The following TCTN1 variants were observed in gnomAD, a reference collection of about 807,000 sequenced individuals.
The protein encoded by TCTN1 is tectonic family member 1.
TCTN1 carries 58 observed loss-of-function variants against 65.8 expected under a neutral mutation model. That is an observed-to-expected ratio of 0.88 (90% CI 0.71 to 1.10). The LOEUF (loss-of-function observed/expected upper bound fraction) is 1.10, where lower values mean the gene tolerates loss of function less well. Ranked by LOEUF, TCTN1 falls within the 50% of genes least tolerant of loss-of-function variation. TCTN1 has a pLI of 0.00. For missense variants in TCTN1, 645 were observed against 719.4 expected (o/e 0.90, Z 1.18); for synonymous variants, 273 against 289.1 (o/e 0.94, Z 0.57).
Position 110,614,176 on chromosome 12 carries a change from C to G in TCTN1, c.-7C>G. On this transcript the variant is annotated 5_prime_UTR_variant, in exon 1 of 15. Transcript: ENST00000397659. ...ATGTCGCGGGCCTCGCTGGGACTCCCTGGGAGATGAGGCCGCGAGGTCTCC... is the reference window on the plus strand; with the variant it reads ...ATGTCGCGGGCCTCGCTGGGACTCCGTGGGAGATGAGGCCGCGAGGTCTCC... The G allele has an allele frequency of 6.4e-7, 1 of 1,550,826 alleles. No homozygotes were observed. The highest frequency in any genetic ancestry group is 1.2e-5 in the South Asian group (1 of 84,234).
chr12:110,619,959 A>G lies in TCTN1; in HGVS notation c.341+3A>G. On this transcript the variant is annotated splice_donor_region_variant and intron_variant, in intron 2 of 14. Transcript: ENST00000397659. ...GCCTGCTCAGTTCCAGTTGTCACGT[A>G]AGTTTACGTATGACACATGCAATTT... 1.2e-6 allele frequency: 2 copies of G among 1,614,186 alleles called. No individual in the cohort carries two copies. The highest frequency in any genetic ancestry group is 1.7e-6 in the Non-Finnish European group (2 of 1,180,046).
intron 1 of TCTN1, chr12:110,616,178 A>G (rs1298588700): frequency 1.5e-5 from 5 of 338,048 alleles, no homozygotes. Context: ...CTATGCTTGA[A>G]ACATCATTAT....
chr12:110,647,666 A>G (rs749151787), intron 13 of TCTN1, 83 bp from the exon 14 acceptor site: 1 of 1,595,122 alleles, frequency 6.3e-7, no homozygotes, highest in South Asian at 1.1e-5. Flanking sequence ...TAGTTGGGTG[A>G]GGAAGAGAAT....
In TCTN1 at chr12:110,614,354, A is replaced by G. The variant is rs755551887; in HGVS notation, c.172A>G (p.Arg58Gly). Residue 58 changes from arginine (R) to glycine (G), a missense_variant, in exon 1 of 15, where the codon AGG becomes GGG. Arg to Gly is a moderately radical substitution (Grantham distance 125). Coordinates refer to ENST00000397659, the MANE Select transcript of TCTN1 (RefSeq NM_001082538.3). The part of the protein sequence containing the change: ...FPSTRPPGTP[R>G]APGPSSGPRP... ...GTCGACCAGGCCCCCCGGGACTCCC[A>G]GGGCTCCAGGGCCCTCCTCCGGCCC... 4.4e-6 allele frequency: 7 copies of G among 1,606,604 alleles called. 1 individual carries two copies. In the African/African-American group the frequency reaches 5.3e-5, roughly 12 times the overall value.
chr12:110,621,241 C>G (rs752919633), intron 2 of TCTN1, among the ~76,000 whole-genome samples: 2 of 152,046 alleles, frequency 1.3e-5, no homozygotes, highest in Non-Finnish European at 2.9e-5. Context: ...ATAGGTGAAC[C>G]CTTTTAAGAA....
In TCTN1 at chr12:110,644,131, A is replaced by G. The variant is rs1241402975; in HGVS notation, c.1332-836A>G. 6.6e-6 allele frequency: 1 copy of G among 152,230 alleles called. No individual in the cohort carries two copies. The highest frequency in any genetic ancestry group is 1.5e-5 in the Non-Finnish European group (1 of 68,064). The allele number at this position is 152,230 out of a possible 1,614,324, so 9.4% of individuals were successfully genotyped here. Reference sequence around the variant, plus strand: ...AGTTAAAACAATGGTTCCTTCCTGTATTACTCATCAGAGCCTTTAATAGGC... The same window carrying G: ...AGTTAAAACAATGGTTCCTTCCTGTGTTACTCATCAGAGCCTTTAATAGGC... On this transcript the variant is annotated intron_variant, in intron 11 of 14. Transcript: ENST00000397659. The surrounding 1 kb of genome is among the most constrained non-coding windows in gnomAD (Gnocchi z 4.6).
At chr12:110,641,772 T>TG (rs2066970931) in intron 10 of TCTN1, 145 bp downstream of exon 10, 2 of 816,080 alleles carry the variant, frequency 2.5e-6, no homozygotes, top group South Asian at 3.1e-5. Context: ...GCGGCTCTGG[T>TG]GGGCGGCCAG....
At chr12:110,627,623 G>GT (rs1312327050) in intron 3 of TCTN1, among the ~76,000 whole-genome samples, 2 of 152,044 alleles carry the variant, frequency 1.3e-5, no homozygotes, top group African/African-American at 4.8e-5. Flanking sequence ...ATATACATGT[G>GT]TTTTTTTAAC....
rs759532103 is a variant in TCTN1, at chr12:110,615,268, C to CA, written c.220+877dup. ...ACTGGGCGACAGAGCAAGACTGTCT[C>CA]AAAAAAAAAAATTGACATGGATGAC... is the stretch of plus-strand genomic sequence containing the variant. On this transcript the variant is annotated intron_variant, in intron 1 of 14. Coordinates refer to ENST00000397659, the MANE Select transcript of TCTN1 (RefSeq NM_001082538.3). Among the ~76,000 whole-genome samples, 75 of 145,774 alleles carry CA rather than the reference C, an allele frequency of 5.1e-4. 1 individual carries two copies. The highest frequency in any genetic ancestry group is 7.9e-4 in the East Asian group (4 of 5,070).
Position 110,636,405 on chromosome 12 carries a change from C to T in TCTN1, c.823-76C>T, listed in dbSNP as rs776142265. The T allele has an allele frequency of 6.5e-5, 66 of 1,017,394 alleles. 2 individuals carry two copies. The highest frequency in any genetic ancestry group is 5.9e-4 in the South Asian group (46 of 77,742). The allele number at this position is 1,017,394 out of a possible 1,614,324, so 63.0% of individuals were successfully genotyped here. ...AATAAGATGAATATACTCTTCAACT[C>T]GAGATCTGAAAAAGCAATGAAAATA... On this transcript the variant is annotated intron_variant, in intron 6 of 14. Transcript: ENST00000397659.
In TCTN1 at chr12:110,627,833, G is replaced by A. The variant is rs899612316; in HGVS notation, c.473-934G>A. ...TGTAAAATGTTATCAGGATATCAAA[G>A]ATCAGAGACACGTTTATGCTTTTAT... On this transcript the variant is annotated intron_variant, in intron 3 of 14. Transcript: ENST00000397659. 3 of 600,202 alleles carry A rather than the reference G, an allele frequency of 5.0e-6. No individual in the cohort carries two copies. In the African/African-American group the frequency reaches 5.6e-5, roughly 11 times the overall value. The allele number at this position is 600,202 out of a possible 1,614,324, so 37.2% of individuals were successfully genotyped here.
chr12:110,635,059 C>G (rs2136074147), intron 6 of TCTN1, among the ~76,000 whole-genome samples: 1 of 152,220 alleles, frequency 6.6e-6, no homozygotes, highest in Admixed American at 6.5e-5. Context: ...TTACGAATAA[C>G]TAAAAACTTT....
chr12:110,637,389 A>G (rs952991181), intron 7 of TCTN1, among the ~76,000 whole-genome samples: 1 of 152,180 alleles, frequency 6.6e-6, no homozygotes, highest in Non-Finnish European at 1.5e-5. Flanking sequence ...TTTGAGGGAG[A>G]TGTTTGAAAG....
chr12:110,628,876 C>T lies in TCTN1; in HGVS notation c.582C>T (p.Ser194=). 1 of 1,613,634 alleles carries T rather than the reference C, an allele frequency of 6.2e-7. No homozygotes were observed. The part of the protein sequence containing the change: ...GFTLNAESYV[S]FTTKLDIPTA... ...CATTGAATGCTGAATCATATGTTTC[C>T]TTCACAACCAAACTGGATATTCCTA... The change falls in exon 4 of 15, where the codon TCC becomes TCT. Residue 194 remains serine, a synonymous_variant. Coordinates refer to ENST00000397659, the MANE Select transcript of TCTN1 (RefSeq NM_001082538.3).
In TCTN1 at chr12:110,626,434, A is replaced by C; in HGVS notation, c.414A>C (p.Arg138Ser). Reference protein sequence around the residue: ...SLNFTANPPQRVFELVDQINP... With the variant: ...SLNFTANPPQSVFELVDQINP... ...ATTTTACAGCAAACCCACCTCAAAG[A>C]GTATTTGAACTTGTTGACCAGATTA... The change falls in exon 3 of 15, where the codon AGA becomes AGC. Residue 138 changes from arginine to serine, a missense_variant. Arg to Ser is a moderately radical substitution (Grantham distance 110, BLOSUM62 -1). Transcript: ENST00000397659. 1 of 1,611,808 alleles carries C rather than the reference A, an allele frequency of 6.2e-7. No homozygotes were observed. The highest frequency in any genetic ancestry group is 2.2e-5 in the East Asian group (1 of 44,854).
chr12:110,647,681 A>C, intron 13 of TCTN1, 68 bp from the exon 14 acceptor site: 1 of 1,605,500 alleles, frequency 6.2e-7, no homozygotes. Context: ...GAGAATGAAA[A>C]GTGTCTCATT....
chr12:110,632,501 G>C lies in TCTN1; in HGVS notation c.654G>C (p.Ser218=), dbSNP rs776715588. ...EYGVPLQTSD[S]FLRFPSSLTS... ...GGGTTCCTCTGCAGACTTCAGATTCGTTTCTGAGATTTCCTTCGTCCCTGA... is the reference window on the plus strand; with the variant it reads ...GGGTTCCTCTGCAGACTTCAGATTCCTTTCTGAGATTTCCTTCGTCCCTGA... Residue 218 remains serine (S), a synonymous_variant, in exon 5 of 15, where the codon TCG becomes TCC. Coordinates refer to ENST00000397659, the MANE Select transcript of TCTN1 (RefSeq NM_001082538.3). 1.2e-6 allele frequency: 2 copies of C among 1,613,974 alleles called. No individual in the cohort carries two copies. Among genetic ancestry groups the C allele is most frequent in the Non-Finnish European group, 8.5e-7 (1 of 1,179,930 alleles).
chr12:110,647,294 A>G lies in TCTN1; in HGVS notation c.1593A>G (p.Ile531Met), dbSNP rs1398502185. Residue 531 changes from isoleucine to methionine, a missense_variant, in exon 13 of 15, where the codon ATA (isoleucine) becomes ATG (methionine). Ile to Met is a conservative substitution (Grantham distance 10). Coordinates refer to ENST00000397659, the MANE Select transcript of TCTN1 (RefSeq NM_001082538.3). Reference protein sequence around the residue: ...YGSLLNPQAKIVNVTANLISS... With the variant: ...YGSLLNPQAKMVNVTANLISS... ...CCCTGCTGAATCCACAGGCCAAAAT[A>G]GTCAATGTAACTGCAAATCTAATTT... 1.9e-6 allele frequency: 3 copies of G among 1,614,242 alleles called. No homozygotes were observed. The highest frequency in any genetic ancestry group is 2.7e-5 in the African/African-American group (2 of 75,066).
intron 14 of TCTN1, 49 bp from the exon 15 acceptor site, chr12:110,648,992 CTT>C (rs1050300051): frequency 4.4e-6 from 2 of 452,932 alleles, no homozygotes; most frequent in African/African-American, 2.0e-5. Flanking sequence ...AAATAAGAGA[CTT>C]TTCTAGAATG....
Sources: gnomAD v4.1 joint callset for allele counts (sites outside exome capture counted in the v4.1 genomes callset) on GRCh38, gnomAD v4.1.1 for gene constraint, Gnocchi (gnomAD v3.1) non-coding constraint, MANE v1.5 for transcripts, NCBI Gene and HGNC (gene_info 2026-07-23, HGNC 2026-07-21) for gene names.